The following NOL10 variants were observed in gnomAD, a reference collection of about 807,000 sequenced individuals.
The protein encoded by NOL10 is nucleolar protein 10.
A neutral mutation model predicts 103.5 loss-of-function variants in NOL10; 58 were observed. The observed-to-expected ratio is 0.56, with a 90% CI of 0.45 to 0.70. The LOEUF is 0.70. Among genes scored for constraint, NOL10 ranks in the 30% least tolerant of loss-of-function variants. The pLI is 0.00. For missense variants in NOL10, 763 were observed against 807.3 expected (o/e 0.95, Z 0.67); for synonymous variants, 287 against 282.5 (o/e 1.02, Z -0.16).
intron 19 of NOL10, among the ~76,000 whole-genome samples, chr2:10,585,294 A>C (rs1249304912): frequency 6.6e-6 from 1 of 152,204 alleles, no homozygotes; most frequent in Non-Finnish European, 1.5e-5. Flanking sequence ...TCCCAGTAAA[A>C]CACCTACACA....
At chr2:10,636,547 C>A (rs1410911589) in intron 13 of NOL10, among the ~76,000 whole-genome samples, 1 of 150,936 alleles carries the variant, frequency 6.6e-6, no homozygotes, top group African/African-American at 2.4e-5. Flanking sequence ...AGTTGTGACG[C>A]TGCAGTGAGC....
chr2:10,663,245 T>C (rs1320569073), intron 8 of NOL10, among the ~76,000 whole-genome samples: 1 of 151,864 alleles, frequency 6.6e-6, no homozygotes, highest in African/African-American at 2.4e-5. Flanking sequence ...TGCACGCCTG[T>C]AATCCCAGCT....
At chr2:10,580,836 T>G (rs572071221) in intron 19 of NOL10, among the ~76,000 whole-genome samples, 1 of 152,192 alleles carries the variant, frequency 6.6e-6, no homozygotes, top group Non-Finnish European at 1.5e-5. Flanking sequence ...GGAGGTCATA[T>G]TCATAAAGGC....
At position 10,591,448 on chromosome 2, in the gene NOL10, C is replaced by T. The variant is rs375599809; in HGVS notation, c.1423-1697G>A. Among the ~76,000 whole-genome samples, 178 of 152,266 alleles carry T rather than the reference C, an allele frequency of 1.2e-3. 1 individual carries two copies. In the South Asian group the frequency reaches 0.035, roughly 30 times the overall value. On this transcript the variant is annotated intron_variant, in intron 17 of 20. Transcript: ENST00000381685. ...AACAAGTAGAAATCTGAAGAAACAG[C>T]ATTTCCAGCCGATGGGAGTGGTGAA...
intron 1 of NOL10, among the ~76,000 whole-genome samples, chr2:10,685,581 C>T (rs2148371502): frequency 6.9e-6 from 1 of 145,096 alleles, no homozygotes; most frequent in East Asian, 2.0e-4. Flanking sequence ...ATTAAAAATA[C>T]AACAAAAGCT....
intron 1 of NOL10, among the ~76,000 whole-genome samples, chr2:10,688,385 C>T (rs1185357378): frequency 6.6e-6 from 1 of 152,202 alleles, no homozygotes; most frequent in Non-Finnish European, 1.5e-5. Flanking sequence ...CCCCCTCACT[C>T]AGCATAGTGC....
chr2:10,577,562 GAC>G (rs768651975), intron 20 of NOL10, 72 bp downstream of exon 20: 12 of 1,027,984 alleles, frequency 1.2e-5, no homozygotes, highest in East Asian at 5.2e-5. Flanking sequence ...CTGCTCTGAG[GAC>G]ACACACACAA....
intron 3 of NOL10, among the ~76,000 whole-genome samples, chr2:10,679,799 T>C (rs1347255381): frequency 1.3e-5 from 2 of 152,040 alleles, no homozygotes; most frequent in African/African-American, 4.8e-5. Context: ...TAATTTATTT[T>C]TTATAGGGAC....
intron 13 of NOL10, among the ~76,000 whole-genome samples, chr2:10,608,686 T>C (rs759695963): frequency 1.4e-4 from 22 of 152,126 alleles, no homozygotes; most frequent in South Asian, 2.1e-4. Flanking sequence ...GGAAGAGAAT[T>C]ATAACAAAGA....
At chr2:10,603,495 T>C (rs1676092423) in intron 14 of NOL10, among the ~76,000 whole-genome samples, 2 of 152,054 alleles carry the variant, frequency 1.3e-5, no homozygotes, top group African/African-American at 4.8e-5. Flanking sequence ...GGATCAACAG[T>C]AAGTTGCCAA....
intron 2 of NOL10, among the ~76,000 whole-genome samples, chr2:10,683,180 T>C (rs1484947909): frequency 3.9e-5 from 6 of 152,180 alleles, no homozygotes; most frequent in Non-Finnish European, 7.3e-5. Flanking sequence ...TTTGATACCT[T>C]AGGTTTTTAA....
At chr2:10,579,560 C>CTTTT (rs398043037) in intron 19 of NOL10, among the ~76,000 whole-genome samples, 1 of 144,324 alleles carries the variant, frequency 6.9e-6, no homozygotes. Flanking sequence ...TTTCGGTTAG[C>CTTTT]TTTTTTTTTT....
At chr2:10,613,827 T>A (rs887282042) in intron 13 of NOL10, among the ~76,000 whole-genome samples, 1 of 152,158 alleles carries the variant, frequency 6.6e-6, no homozygotes, top group African/African-American at 2.4e-5. Context: ...TAGAACTGTT[T>A]TCAGGACACT....
intron 19 of NOL10, among the ~76,000 whole-genome samples, chr2:10,586,379 AC>A (rs1296853565): frequency 3.3e-5 from 5 of 152,256 alleles, no homozygotes; most frequent in Admixed American, 2.6e-4. Flanking sequence ...ATGTTACATT[AC>A]TAACAACCAG....
chr2:10,689,075 T>C (rs560091252), intron 1 of NOL10, among the ~76,000 whole-genome samples: 5 of 152,338 alleles, frequency 3.3e-5, no homozygotes, highest in African/African-American at 1.2e-4. Flanking sequence ...TGCTCAGTGG[T>C]AGTGCTTGGA....
chr2:10,668,744 T>C (rs770826360), intron 6 of NOL10, 21 bp from the exon 7 acceptor site: 3 of 1,162,878 alleles, frequency 2.6e-6, no homozygotes, highest in South Asian at 1.8e-5. Context: ...ATAAAGAAAG[T>C]TAAAAACCTG....
At chr2:10,586,834 C>T (rs10187659) in intron 19 of NOL10, among the ~76,000 whole-genome samples, 51,938 of 150,882 alleles carry the variant, frequency 0.34, 9,370 homozygotes, top group Non-Finnish European at 0.4. Flanking sequence ...GTATACAATA[C>T]ATAGAACATA....
intron 8 of NOL10, among the ~76,000 whole-genome samples, chr2:10,666,695 G>A (rs1358485273): frequency 9.1e-4 from 36 of 39,490 alleles, no homozygotes; most frequent in Non-Finnish European, 2.8e-4. Context: ...ATTATATACT[G>A]TTATGTCTAA....
At chr2:10,599,134 A>G (rs1175536339) in intron 17 of NOL10, among the ~76,000 whole-genome samples, 1 of 152,234 alleles carries the variant, frequency 6.6e-6, no homozygotes, top group Non-Finnish European at 1.5e-5. Flanking sequence ...AGGGCCTTAT[A>G]AACAGGCTCT....
Sources: allele counts gnomAD v4.1 joint callset (sites outside exome capture counted in the v4.1 genomes callset), GRCh38; gene constraint gnomAD v4.1.1; transcripts MANE v1.5; gene names NCBI Gene and HGNC (gene_info 2026-07-23, HGNC 2026-07-21).